Variants in ZNF322 observed in about 807,000 individuals in gnomAD.
The protein encoded by ZNF322 is zinc finger protein 322.
Under a neutral mutation model 18.3 loss-of-function variants are expected in ZNF322, and 1 was observed. That is an observed-to-expected ratio of 0.05 (90% CI 0.02 to 0.26). The LOEUF is 0.26. Among genes scored for constraint, ZNF322 ranks in the 10% least tolerant of loss-of-function variants. The pLI is 1.00. For missense variants in ZNF322, 36 were observed against 403.6 expected (o/e 0.09, Z 7.80); for synonymous variants, 17 against 130.7 (o/e 0.13, Z 5.93).
At chr6:26,658,421 T>G in intron 2 of ZNF322, 137 bp downstream of exon 2, 1 of 152,422 alleles carries the variant, frequency 6.6e-6, no homozygotes, top group East Asian at 1.9e-4. Flanking sequence ...GTTTTATCAC[T>G]CTGCTATCTT....
At position 26,638,285 on chromosome 6, in the gene ZNF322, T is replaced by C; in HGVS notation, c.269A>G (p.Gln90Arg). 6.2e-7 allele frequency: 1 copy of C among 1,613,298 alleles called. No homozygotes were observed. The highest frequency in any genetic ancestry group is 8.5e-7 in the Non-Finnish European group (1 of 1,179,400). Reference sequence around the variant, plus strand: ...AGGTTTCTCGTAATTGTGGATCCTCTGGTGTGAAGTAAGATCTGAGCTTTG... The same window carrying C: ...AGGTTTCTCGTAATTGTGGATCCTCCGGTGTGAAGTAAGATCTGAGCTTTG... ...FVQSSDLTSH[Q>R]RIHNYEKPYK... The change falls in exon 4 of 4, where the codon CAG (glutamine) becomes CGG (arginine). Residue 90 changes from glutamine (Q) to arginine (R), a missense_variant. Coordinates refer to ENST00000415922, the MANE Select transcript of ZNF322 (RefSeq NM_024639.5).
chr6:26,649,684 TATATATATATATA>T (rs1460150325), intron 2 of ZNF322, among the ~76,000 whole-genome samples: 1,041 of 30,408 alleles, frequency 0.034, 40 homozygotes, highest in African/African-American at 0.065. Context: ...TGTATATATA[TATATATATATATA>T]TATATTTTTT....
At chr6:26,645,390 TG>T (rs1765538559) in intron 2 of ZNF322, among the ~76,000 whole-genome samples, 1 of 152,074 alleles carries the variant, frequency 6.6e-6, no homozygotes, top group South Asian at 2.1e-4. Context: ...GAGCTAGCAG[TG>T]GGCAAGACTG....
intron 2 of ZNF322, among the ~76,000 whole-genome samples, chr6:26,649,922 C>T (rs564998238): frequency 3.3e-5 from 5 of 151,156 alleles, no homozygotes; most frequent in South Asian, 2.1e-4. Flanking sequence ...AGGTTGATCT[C>T]GAACTCCCGA....
At chr6:26,655,066 G>C (rs1209225684) in intron 2 of ZNF322, among the ~76,000 whole-genome samples, 2 of 152,114 alleles carry the variant, frequency 1.3e-5, no homozygotes, top group African/African-American at 4.8e-5. Context: ...AACCCAAACT[G>C]AGGGAAACTA....
intron 2 of ZNF322, among the ~76,000 whole-genome samples, chr6:26,649,447 C>G (rs1411173834): frequency 6.6e-6 from 1 of 151,748 alleles, no homozygotes; most frequent in East Asian, 1.9e-4. Context: ...ACACTTCATA[C>G]CACACACCAA....
At chr6:26,651,662 G>A (rs959123098) in intron 2 of ZNF322, among the ~76,000 whole-genome samples, 8 of 151,970 alleles carry the variant, frequency 5.3e-5, no homozygotes, top group Admixed American at 5.2e-4. Flanking sequence ...AGTCCACAAT[G>A]TATACATATA....
At chr6:26,645,006 TC>T (rs1278711119) in intron 2 of ZNF322, among the ~76,000 whole-genome samples, 1 of 152,088 alleles carries the variant, frequency 6.6e-6, no homozygotes, top group Non-Finnish European at 1.5e-5. Context: ...GTTGTTCCCC[TC>T]CCTGTGTCTA....
chr6:26,646,208 A>G (rs1765557008), intron 2 of ZNF322, among the ~76,000 whole-genome samples: 1 of 152,204 alleles, frequency 6.6e-6, no homozygotes, highest in African/African-American at 2.4e-5. Flanking sequence ...TGTTAAAACC[A>G]AACATCAACT....
chr6:26,649,602 C>CT (rs35159226), intron 2 of ZNF322, among the ~76,000 whole-genome samples: 102,430 of 135,052 alleles, frequency 0.76, 39,182 homozygotes, highest in South Asian at 0.8. Context: ...AAAATAAAAA[C>CT]TTTTTTTAAA....
intron 2 of ZNF322, 136 bp downstream of exon 2, chr6:26,658,422 C>G (rs560297627): frequency 7.2e-5 from 11 of 151,892 alleles, no homozygotes; most frequent in Admixed American, 3.3e-4. Flanking sequence ...TTTTATCACT[C>G]TGCTATCTTA....
intron 2 of ZNF322, among the ~76,000 whole-genome samples, chr6:26,649,669 G>A (rs868952717): frequency 3.0e-4 from 11 of 36,276 alleles, no homozygotes; most frequent in Admixed American, 6.2e-4. Context: ...GTGTGTGTGT[G>A]TGTGTGTATA....
chr6:26,650,201 G>C (rs766485638), intron 2 of ZNF322, among the ~76,000 whole-genome samples: 7 of 152,034 alleles, frequency 4.6e-5, no homozygotes, highest in Non-Finnish European at 7.4e-5. Context: ...ATATAAAAAT[G>C]TCCCTTAAAT....
At chr6:26,655,888 C>T (rs1247404952) in intron 2 of ZNF322, among the ~76,000 whole-genome samples, 2 of 152,078 alleles carry the variant, frequency 1.3e-5, no homozygotes, top group African/African-American at 2.4e-5. Flanking sequence ...CTTGGACTTT[C>T]GAATCTCCAG....
chr6:26,657,504 C>T lies in ZNF322; in HGVS notation c.-246+1054G>A, dbSNP rs190088753. ...CTCAAAAAGCAGCATACCCTGACTACCTTATCTAAAATAGCCTGTGTTGCT... is the reference window on the plus strand; with the variant it reads ...CTCAAAAAGCAGCATACCCTGACTATCTTATCTAAAATAGCCTGTGTTGCT... On this transcript the variant is annotated intron_variant, in intron 2 of 3. Coordinates refer to ENST00000415922, the MANE Select transcript of ZNF322 (RefSeq NM_024639.5). Among the ~76,000 whole-genome samples, 13 of 152,166 alleles carry T rather than the reference C, an allele frequency of 8.5e-5. 1 individual carries two copies. In the East Asian group the frequency reaches 2.2e-3, roughly 25 times the overall value.
chr6:26,656,336 C>A (rs1456785234), intron 2 of ZNF322, among the ~76,000 whole-genome samples: 3 of 152,140 alleles, frequency 2.0e-5, no homozygotes, highest in African/African-American at 7.2e-5. Context: ...AAAGACACTG[C>A]CGGTACTAAG....
intron 3 of ZNF322, among the ~76,000 whole-genome samples, chr6:26,640,143 G>A (rs1163500877): frequency 1.3e-5 from 2 of 152,150 alleles, no homozygotes; most frequent in African/African-American, 2.4e-5. Flanking sequence ...CACTCAGGCT[G>A]TTGTCCCATT....
Position 26,636,852 on chromosome 6 carries a change from T to C in ZNF322, c.*493A>G, listed in dbSNP as rs1765362933. 1 of 123,332 alleles carries C rather than the reference T, an allele frequency of 8.1e-6. No homozygotes were observed. The allele number at this position is 123,332 out of a possible 1,614,324, so 7.6% of individuals were successfully genotyped here. A position where few individuals can be genotyped will look rare whatever the true frequency, so the allele number is the denominator to read the frequency against. ...TTTTTCACCAGTATGGCTTCTCTGATGGGTAAGTCAGAGTTTTGTTAGAAG... is the reference window on the plus strand; with the variant it reads ...TTTTTCACCAGTATGGCTTCTCTGACGGGTAAGTCAGAGTTTTGTTAGAAG... On this transcript the variant is annotated 3_prime_UTR_variant, in exon 4 of 4. Coordinates refer to ENST00000415922, the MANE Select transcript of ZNF322 (RefSeq NM_024639.5).
intron 2 of ZNF322, among the ~76,000 whole-genome samples, chr6:26,646,490 T>C (rs1554148764): frequency 1.3e-5 from 2 of 152,136 alleles, no homozygotes; most frequent in Non-Finnish European, 2.9e-5. Context: ...AAGTCATGGT[T>C]ATCTATGTAT....
Sources: gnomAD v4.1 joint callset for allele counts (sites outside exome capture counted in the v4.1 genomes callset) on GRCh38, gnomAD v4.1.1 for gene constraint, MANE v1.5 for transcripts, NCBI Gene and HGNC (gene_info 2026-07-23, HGNC 2026-07-21) for gene names.